MAP2K2: variants seen among roughly 807,000 people sequenced by gnomAD.
MAP2K2 encodes dual specificity mitogen-activated protein kinase kinase 2.
A neutral mutation model predicts 43.7 loss-of-function variants in MAP2K2; 24 were observed. The observed-to-expected ratio is 0.55, with a 90% CI of 0.40 to 0.77. The LOEUF is 0.77. Among genes scored for constraint, MAP2K2 ranks in the 30% least tolerant of loss-of-function variants. The pLI is 0.00. For missense variants in MAP2K2, 470 were observed against 566.8 expected, an observed-to-expected ratio of 0.83 and a Z score of 1.73; for synonymous variants, 244 against 239.7, an observed-to-expected ratio of 1.02 and a Z score of -0.17.
At chr19:4,093,896 C>T (rs140635356) in intron 10 of MAP2K2, among the ~76,000 whole-genome samples, 1 of 152,156 alleles carries the variant, frequency 6.6e-6, no homozygotes, top group Non-Finnish European at 1.5e-5. Context: ...ACTCGGGATG[C>T]AGGCTGGGCT....
chr19:4,102,023 C>T (rs2041018636), intron 4 of MAP2K2, among the ~76,000 whole-genome samples: 1 of 152,134 alleles, frequency 6.6e-6, no homozygotes, highest in Non-Finnish European at 1.5e-5. Flanking sequence ...GTCCTGGCGT[C>T]CCACATCCCA....
chr19:4,123,171 C>G (rs572432578), intron 1 of MAP2K2, among the ~76,000 whole-genome samples: 16 of 151,904 alleles, frequency 1.1e-4, no homozygotes, highest in African/African-American at 3.6e-4. Context: ...TGTGTTCTCT[C>G]CTCTTAGAGA....
chr19:4,105,459 G>A (rs546952366), intron 3 of MAP2K2, among the ~76,000 whole-genome samples: 2 of 151,968 alleles, frequency 1.3e-5, no homozygotes, highest in South Asian at 2.1e-4. Context: ...TAGTAGAGAT[G>A]GGGTTTCACT....
chr19:4,119,341 C>A (rs985263412), intron 1 of MAP2K2, among the ~76,000 whole-genome samples: 4 of 152,156 alleles, frequency 2.6e-5, no homozygotes, highest in Non-Finnish European at 5.9e-5. Context: ...CCTGCCTCAG[C>A]CTCCGAAGTA....
Position 4,110,522 on chromosome 19 carries a change from C to T in MAP2K2, c.437G>A (p.Cys146Tyr). The part of the protein sequence containing the change: ...AFYSDGEISI[C>Y]MEHMDGGSLD... The stretch of plus-strand genomic sequence containing the variant: ...GGACGCACTCACCATGTGTTCCATG[C>T]AAATGCTGATCTCCCCGTCACTGTA... Residue 146 changes from cysteine (C) to tyrosine (Y), a missense_variant, in exon 3 of 11, where the codon TGC (cysteine) becomes TAC (tyrosine). By Grantham distance (194) the Cys-to-Tyr change is radical. Around this residue, in one of 3 missense-constraint regions of MAP2K2, gnomAD observed 200 missense variants for 297.9 expected, o/e 0.67. Coordinates refer to ENST00000262948, the MANE Select transcript of MAP2K2 (RefSeq NM_030662.4). The T allele has an allele frequency of 6.2e-7, 1 of 1,613,712 alleles. No individual in the cohort carries two copies. Among genetic ancestry groups the T allele is most frequent in the Non-Finnish European group, 8.5e-7 (1 of 1,180,028 alleles).
chr19:4,097,068 C>T (rs1211077879), intron 8 of MAP2K2, among the ~76,000 whole-genome samples: 2 of 150,196 alleles, frequency 1.3e-5, no homozygotes, highest in African/African-American at 2.4e-5. Context: ...GTGGTGCGCA[C>T]CTGTAATCCC....
At chr19:4,105,823 C>T (rs2041079108) in intron 3 of MAP2K2, among the ~76,000 whole-genome samples, 1 of 151,952 alleles carries the variant, frequency 6.6e-6, no homozygotes, top group Non-Finnish European at 1.5e-5. Context: ...ACAGGCGCGC[C>T]ACCATGTCCT....
At chr19:4,095,486 C>A (rs376532282) in intron 8 of MAP2K2, 37 bp from the exon 9 acceptor site, 23 of 1,523,522 alleles carry the variant, frequency 1.5e-5, no homozygotes, top group Non-Finnish European at 2.0e-5. Context: ...CAGCCCTGGG[C>A]ATCGTCAGGG....
intron 3 of MAP2K2, among the ~76,000 whole-genome samples, chr19:4,103,852 G>A (rs940246667): frequency 1.3e-5 from 2 of 152,246 alleles, no homozygotes; most frequent in African/African-American, 4.8e-5. Context: ...GGTATGGCCA[G>A]GGCTCAGACA....
chr19:4,112,693 G>A (rs1004641797), intron 2 of MAP2K2, among the ~76,000 whole-genome samples: 2 of 151,838 alleles, frequency 1.3e-5, no homozygotes, highest in South Asian at 2.1e-4. Flanking sequence ...CCCCTGTAGC[G>A]CTGGCTTCTC....
rs1046878617 is a variant in MAP2K2, at chr19:4,099,559, T to G, written c.706-145A>C. The G allele has an allele frequency of 5.7e-6, 4 of 701,396 alleles. No individual in the cohort carries two copies. In the Admixed American group the frequency reaches 1.0e-4, roughly 18 times the overall value. 43.4% of individuals were successfully genotyped at this position (701,396 alleles called of 1,614,324 possible). On this transcript the variant is annotated intron_variant, in intron 6 of 10. Coordinates refer to ENST00000262948, the MANE Select transcript of MAP2K2 (RefSeq NM_030662.4). ...TAGAGAGCTGTTACGCAATTCTACC[T>G]CCCGGCTCACCCACCCAGGGCCTCC... is the stretch of plus-strand genomic sequence containing the variant.
intron 2 of MAP2K2, 24 bp downstream of exon 2, chr19:4,117,386 ACTCCCCGAC>A (rs1488105996): frequency 6.4e-7 from 1 of 1,568,968 alleles, no homozygotes; most frequent in Non-Finnish European, 8.7e-7. Flanking sequence ...CTTCCCCACC[ACTCCCCGAC>A]CTCCCCGACC....
At position 4,111,601 on chromosome 19, in the gene MAP2K2, TTCA is replaced by T. The variant is rs564534316; in HGVS notation, c.304-949_304-947del. Among the ~76,000 whole-genome samples, 49 of 152,184 alleles carry T rather than the reference TTCA, an allele frequency of 3.2e-4. 1 individual carries two copies. Among genetic ancestry groups the T allele is most frequent in the Admixed American group, 1.8e-3 (28 of 15,284 alleles). On this transcript the variant is annotated intron_variant, in intron 2 of 10. Transcript: ENST00000262948. ...CAAGTTCAAGACGGCAGGGGAAATT[TTCA>T]TCAAGTTGACCCCGGTGCCACTTTA...
intron 10 of MAP2K2, among the ~76,000 whole-genome samples, chr19:4,093,431 C>A (rs2040873861): frequency 6.6e-6 from 1 of 151,946 alleles, no homozygotes. Context: ...TGGCTCACAT[C>A]TGTAATCTCT....
At position 4,102,441 on chromosome 19, in the gene MAP2K2, G is replaced by C. The variant is rs1029582498; in HGVS notation, c.463C>G (p.Leu155Val). ...TTGGCCTCTTTCAGCACCTGGTCCAGGGAGCCGCCGTCCTAGAGGGCACAC... is the reference window on the plus strand; with the variant it reads ...TTGGCCTCTTTCAGCACCTGGTCCACGGAGCCGCCGTCCTAGAGGGCACAC... ...ICMEHMDGGSLDQVLKEAKRI... is the reference protein window; with the variant it reads ...ICMEHMDGGSVDQVLKEAKRI... The change falls in exon 4 of 11, where the codon CTG becomes GTG. Residue 155 changes from leucine (L) to valine (V), a missense_variant. Transcript: ENST00000262948. The C allele has an allele frequency of 6.2e-7, 1 of 1,603,882 alleles. No homozygotes were observed. The highest frequency in any genetic ancestry group is 8.5e-7 in the Non-Finnish European group (1 of 1,176,304).
chr19:4,094,642 T>A, intron 9 of MAP2K2, 144 bp from the exon 10 acceptor site: 1 of 757,358 alleles, frequency 1.3e-6, no homozygotes, highest in Non-Finnish European at 2.3e-6. Flanking sequence ...ACAGAGTGGC[T>A]GCTCTGTTCT....
chr19:4,113,745 G>C (rs1229024406), intron 2 of MAP2K2, among the ~76,000 whole-genome samples: 1 of 152,176 alleles, frequency 6.6e-6, no homozygotes, highest in Non-Finnish European at 1.5e-5. Context: ...AGAAGAATGA[G>C]GAATTTGAGC....
chr19:4,106,391 T>C (rs1488540891), intron 3 of MAP2K2, among the ~76,000 whole-genome samples: 1 of 152,098 alleles, frequency 6.6e-6, no homozygotes, highest in African/African-American at 2.4e-5. Context: ...AACAAATGAA[T>C]GGGCCAATGC....
intron 6 of MAP2K2, chr19:4,099,762 T>A (rs533248906): frequency 8.9e-5 from 31 of 347,780 alleles, no homozygotes; most frequent in African/African-American, 6.2e-4. Flanking sequence ...ATTTGGCAGG[T>A]TGCTGAATCC....
Sources: allele counts gnomAD v4.1 joint callset (sites outside exome capture counted in the v4.1 genomes callset), GRCh38; gene constraint gnomAD v4.1.1; regional missense constraint gnomAD v4.1.1; transcripts MANE v1.5; gene names NCBI Gene and HGNC (gene_info 2026-07-23, HGNC 2026-07-21).